PDS5B: variants seen among roughly 807,000 people sequenced by gnomAD.
The protein encoded by PDS5B is sister chromatid cohesion protein PDS5 homolog B.
Under a neutral mutation model 184.1 loss-of-function variants are expected in PDS5B, and 51 were observed. The ratio of observed to expected loss-of-function variants is 0.28; its 90% CI spans 0.22 to 0.35. PDS5B has a LOEUF of 0.35. Among genes scored for constraint, PDS5B ranks in the 10% least tolerant of loss-of-function variants. The probability of loss-of-function intolerance (pLI) is 1.00; values close to 1 mark genes in which losing one functional copy is unlikely to be tolerated. For missense variants in PDS5B, 1,180 were observed against 1,723.3 expected, an observed-to-expected ratio of 0.68 and a Z score of 5.58; for synonymous variants, 566 against 569.2, an observed-to-expected ratio of 0.99 and a Z score of 0.08.
chr13:32,649,162 C>A lies in PDS5B; in HGVS notation c.108+282C>A, dbSNP rs1225709261. The A allele has an allele frequency of 1.2e-5, 3 of 259,434 alleles. No individual in the cohort carries two copies. The East Asian group carries it at 3.1e-4, about 27-fold the overall frequency. The allele number at this position is 259,434 out of a possible 1,614,324, so 16.1% of individuals were successfully genotyped here. On this transcript the variant is annotated intron_variant, in intron 2 of 34. Transcript: ENST00000315596. ...ATACTCATATTCCTTATTGTCTATA[C>A]AAAGTTGTCTCCTTTCTTCTATATA...
At chr13:32,698,365 A>G (rs1360159810) in intron 15 of PDS5B, among the ~76,000 whole-genome samples, 2 of 152,120 alleles carry the variant, frequency 1.3e-5, no homozygotes, top group Admixed American at 1.3e-4. Context: ...ACACTGTTAA[A>G]CTCCACTGAA....
intron 1 of PDS5B, among the ~76,000 whole-genome samples, chr13:32,593,601 A>G (rs1225460863): frequency 1.3e-5 from 2 of 152,194 alleles, no homozygotes; most frequent in Non-Finnish European, 2.9e-5. Flanking sequence ...TTGGCCTCCC[A>G]AAGTGCTGGG....
At chr13:32,667,150 C>T (rs1950819636) in intron 6 of PDS5B, among the ~76,000 whole-genome samples, 1 of 152,018 alleles carries the variant, frequency 6.6e-6, no homozygotes, top group Admixed American at 6.6e-5. Context: ...GGTAGTGACT[C>T]CATTTTTTAT....
chr13:32,774,946 A>G, intron 34 of PDS5B, 71 bp from the exon 35 acceptor site: 2 of 1,308,742 alleles, frequency 1.5e-6, no homozygotes, highest in Non-Finnish European at 2.2e-6. Flanking sequence ...AAGATTAGTT[A>G]AAAATGATTA....
chr13:32,770,593 T>A lies in PDS5B; in HGVS notation c.4064+33T>A, dbSNP rs1187224103. ...TGTGTAACTCTAAACTGCATCTGTT[T>A]CGTTACTATATTATAAATCATAATT... On this transcript the variant is annotated intron_variant, in intron 32 of 34. Coordinates refer to ENST00000315596, the MANE Select transcript of PDS5B (RefSeq NM_015032.4). 1.9e-6 allele frequency: 3 copies of A among 1,600,472 alleles called. No homozygotes were observed. In the African/African-American group the frequency reaches 4.1e-5, roughly 22 times the overall value.
In PDS5B at chr13:32,692,176, C is replaced by T. The variant is rs12583655; in HGVS notation, c.1470-2047C>T. Among the ~76,000 whole-genome samples the T allele has an allele frequency of 1.9e-3, 282 of 152,128 alleles. 4 individuals carry two copies. In the East Asian group the frequency reaches 0.047, roughly 25 times the overall value. Reference sequence around the variant, plus strand: ...TTGAAAGAGCCATATATTTTATTCTCTGACTACTTTTCTTTGGGGAAGACA... The same window carrying T: ...TTGAAAGAGCCATATATTTTATTCTTTGACTACTTTTCTTTGGGGAAGACA... On this transcript the variant is annotated intron_variant, in intron 13 of 34. Coordinates refer to ENST00000315596, the MANE Select transcript of PDS5B (RefSeq NM_015032.4).
At chr13:32,716,407 A>T (rs552402162) in intron 19 of PDS5B, among the ~76,000 whole-genome samples, 8 of 148,690 alleles carry the variant, frequency 5.4e-5, no homozygotes, top group African/African-American at 2.0e-4. Flanking sequence ...TTGAGAAGTG[A>T]GGAGACCCTC....
In PDS5B at chr13:32,775,787, A is replaced by G. The variant is rs1296876146; in HGVS notation, c.*735A>G. ...ATGAAAATTTTAAGAAGAAAGATTT[A>G]AAGTATTTTAATTTTAAAGAGTGTG... On this transcript the variant is annotated 3_prime_UTR_variant, in exon 35 of 35. Coordinates refer to ENST00000315596, the MANE Select transcript of PDS5B (RefSeq NM_015032.4). The G allele has an allele frequency of 5.2e-6, 2 of 381,768 alleles. No individual in the cohort carries two copies. The highest frequency in any genetic ancestry group is 1.0e-5 in the Non-Finnish European group (2 of 194,250). 23.6% of individuals were successfully genotyped at this position (381,768 alleles called of 1,614,324 possible).
intron 1 of PDS5B, among the ~76,000 whole-genome samples, chr13:32,599,845 G>T (rs2057945039): frequency 6.6e-6 from 1 of 152,026 alleles, no homozygotes; most frequent in Non-Finnish European, 1.5e-5. Context: ...AAACTGGGAG[G>T]CGGAGCTTGC....
chr13:32,620,227 C>T (rs1231896737), intron 1 of PDS5B, among the ~76,000 whole-genome samples: 1 of 152,182 alleles, frequency 6.6e-6, no homozygotes, highest in African/African-American at 2.4e-5. Flanking sequence ...TTAATGTTCA[C>T]AATACTAATG....
At chr13:32,607,670 G>C (rs1447432000) in intron 1 of PDS5B, among the ~76,000 whole-genome samples, 2 of 146,918 alleles carry the variant, frequency 1.4e-5, no homozygotes, top group African/African-American at 5.0e-5. Flanking sequence ...GGAGTCTACA[G>C]AGGCAGGCCT....
chr13:32,760,011 C>G (rs1015648932), intron 29 of PDS5B, among the ~76,000 whole-genome samples: 1 of 151,912 alleles, frequency 6.6e-6, no homozygotes, highest in African/African-American at 2.4e-5. Context: ...GGCTGGAGTG[C>G]AGTGGCGCAT....
chr13:32,678,753 A>T, intron 9 of PDS5B, 82 bp from the exon 10 acceptor site: 1 of 798,228 alleles, frequency 1.3e-6, no homozygotes, highest in Admixed American at 2.3e-5. Flanking sequence ...CTTTAATTAG[A>T]TAAATGTAAA....
chr13:32,661,899 A>G (rs914567713), intron 6 of PDS5B, among the ~76,000 whole-genome samples: 3 of 152,154 alleles, frequency 2.0e-5, no homozygotes, highest in African/African-American at 7.2e-5. Context: ...TTAGTAAGTG[A>G]TATGATCCTG....
At chr13:32,716,892 G>T (rs1260689918) in intron 19 of PDS5B, among the ~76,000 whole-genome samples, 28 of 113,892 alleles carry the variant, frequency 2.5e-4, no homozygotes, top group African/African-American at 8.0e-4. Context: ...GAGGTGAGGG[G>T]TGCCTTTGCC....
chr13:32,690,976 G>A (rs1036182913), intron 13 of PDS5B: 2 of 151,830 alleles, frequency 1.3e-5, no homozygotes, highest in Non-Finnish European at 2.9e-5. Flanking sequence ...ATATTTATCT[G>A]TGGTTGTTTT....
chr13:32,641,580 G>T (rs531975387), intron 1 of PDS5B, among the ~76,000 whole-genome samples: 1 of 151,792 alleles, frequency 6.6e-6, no homozygotes, highest in Non-Finnish European at 1.5e-5. Flanking sequence ...CATTTTTTCC[G>T]TAGATTTTTG....
At chr13:32,596,791 C>T (rs933441185) in intron 1 of PDS5B, among the ~76,000 whole-genome samples, 9 of 151,930 alleles carry the variant, frequency 5.9e-5, no homozygotes, top group African/African-American at 1.5e-4. Flanking sequence ...TATTTTCTTT[C>T]GTAGGATGCC....
At chr13:32,773,072 TA>T in intron 33 of PDS5B, 116 bp from the exon 34 acceptor site, 1 of 787,518 alleles carries the variant, frequency 1.3e-6, no homozygotes, top group Non-Finnish European at 2.0e-6. Flanking sequence ...TCTTGTCTCA[TA>T]AAGTAACTGA....
Sources: allele counts gnomAD v4.1 joint callset (sites outside exome capture counted in the v4.1 genomes callset), GRCh38; gene constraint gnomAD v4.1.1; transcripts MANE v1.5; gene names NCBI Gene and HGNC (gene_info 2026-07-23, HGNC 2026-07-21).